KBTBD11: variants seen among roughly 807,000 people sequenced by gnomAD.
KBTBD11 encodes kelch repeat and BTB domain-containing protein 11.
For synonymous variants in KBTBD11, 747 were observed against 499.0 expected, an observed-to-expected ratio of 1.50 and a Z score of -6.63; for missense variants, 1,390 against 1,001.8, an observed-to-expected ratio of 1.39 and a Z score of -5.23.
At chr8:1,980,522 G>T (rs1047650751) in intron 1 of KBTBD11, among the ~76,000 whole-genome samples, 2 of 152,218 alleles carry the variant, frequency 1.3e-5, no homozygotes, top group African/African-American at 4.8e-5. Flanking sequence ...ACCACACCCA[G>T]CCTTTAATCA....
Position 2,002,898 on chromosome 8 carries a change from G to A in KBTBD11, c.1706G>A (p.Gly569Asp). 2 of 1,319,912 alleles carry A rather than the reference G, an allele frequency of 1.5e-6. No homozygotes were observed. Among genetic ancestry groups the A allele is most frequent in the Non-Finnish European group, 1.9e-6 (2 of 1,038,834 alleles). The allele number at this position is 1,319,912 out of a possible 1,614,324, so 81.8% of individuals were successfully genotyped here. A position where few individuals can be genotyped will look rare whatever the true frequency, so the allele number is the denominator to read the frequency against. ...DGAIYCVSRA[G>D]TWRFQPAREG... is the part of the protein sequence containing the mutation. Reference sequence around the variant, plus strand: ...GCCATCTACTGCGTGAGCCGCGCGGGCACCTGGCGCTTCCAGCCTGCCCGG... The same window carrying A: ...GCCATCTACTGCGTGAGCCGCGCGGACACCTGGCGCTTCCAGCCTGCCCGG... Residue 569 changes from glycine (G) to aspartate (D), a missense_variant, in exon 2 of 2, where the codon GGC (glycine) becomes GAC (aspartate). Physicochemically the swap from Gly to Asp is moderately conservative, Grantham distance 94. Coordinates refer to ENST00000320248, the MANE Select transcript of KBTBD11 (RefSeq NM_014867.3). The surrounding 1 kb of genome is among the most constrained non-coding windows in gnomAD (Gnocchi z 4.1).
At chr8:1,993,358 G>GTCCGTCCGTCCGTCC (rs1278140618) in intron 1 of KBTBD11, among the ~76,000 whole-genome samples, 1 of 149,690 alleles carries the variant, frequency 6.7e-6, no homozygotes, top group Non-Finnish European at 1.5e-5. Flanking sequence ...TCCATCCATC[G>GTCCGTCCGTCCGTCC]GTCCATCCGT....
intron 1 of KBTBD11, among the ~76,000 whole-genome samples, chr8:1,984,124 A>C (rs1434823387): frequency 2.6e-5 from 4 of 151,986 alleles, no homozygotes; most frequent in Admixed American, 1.3e-4. Context: ...GTCTGAAAAA[A>C]ATTTAGAAAA....
chr8:1,991,800 T>C (rs1816929243), intron 1 of KBTBD11, among the ~76,000 whole-genome samples: 1 of 151,848 alleles, frequency 6.6e-6, no homozygotes, highest in Non-Finnish European at 1.5e-5. Flanking sequence ...GATCACTGAA[T>C]GGAGCAAATT....
At chr8:1,989,119 C>A (rs1042089578) in intron 1 of KBTBD11, among the ~76,000 whole-genome samples, 1 of 152,088 alleles carries the variant, frequency 6.6e-6, no homozygotes, top group Admixed American at 6.5e-5. Context: ...TCTCCAGAGC[C>A]TTGGTGCTCT....
chr8:2,002,205 G>T lies in KBTBD11; in HGVS notation c.1013G>T (p.Arg338Leu). Residue 338 changes from arginine (R) to leucine (L), a missense_variant, in exon 2 of 2, where the codon CGC (arginine) becomes CTC (leucine). Arg to Leu is a moderately radical substitution (Grantham distance 102). Transcript: ENST00000320248. The surrounding 1 kb of genome is among the most constrained non-coding windows in gnomAD (Gnocchi z 4.1). ...TTCCACGCGGCGGCCGGAGAGTGGCGCGAGCTGACGCGGCTGCCCGAGGGC... is the reference window on the plus strand; with the variant it reads ...TTCCACGCGGCGGCCGGAGAGTGGCTCGAGCTGACGCGGCTGCCCGAGGGC... The part of the protein sequence containing the change: ...YCFHAAAGEW[R>L]ELTRLPEGAP... 1 of 1,259,710 alleles carries T rather than the reference G, an allele frequency of 7.9e-7. No homozygotes were observed. The highest frequency in any genetic ancestry group is 9.9e-7 in the Non-Finnish European group (1 of 1,006,132). 78.0% of individuals were successfully genotyped at this position (1,259,710 alleles called of 1,614,324 possible). A position where few individuals can be genotyped will look rare whatever the true frequency, so the allele number is the denominator to read the frequency against.
chr8:1,974,749 A>T (rs1015384836), intron 1 of KBTBD11: 1 of 975,248 alleles, frequency 1.0e-6, no homozygotes, highest in African/African-American at 1.8e-5. Context: ...TGGAGCATGA[A>T]AAGAGGGTGA....
intron 1 of KBTBD11, among the ~76,000 whole-genome samples, chr8:1,977,924 C>T (rs1280849760): frequency 2.6e-5 from 4 of 152,186 alleles, no homozygotes; most frequent in African/African-American, 4.8e-5. Flanking sequence ...TCTGAATATT[C>T]GTATCACGAC....
In KBTBD11 at chr8:2,003,864, G is replaced by C. The variant is rs1817490306; in HGVS notation, c.*800G>C. The C allele has an allele frequency of 6.0e-6, 1 of 166,922 alleles. No individual in the cohort carries two copies. 10.3% of individuals were successfully genotyped at this position (166,922 alleles called of 1,614,324 possible). A position where few individuals can be genotyped will look rare whatever the true frequency, so the allele number is the denominator to read the frequency against. Reference sequence around the variant, plus strand: ...GTGACCAAACAGCACATCATAAGTAGGAAAAACTTACCAGGGTGCTTGTCT... The same window carrying C: ...GTGACCAAACAGCACATCATAAGTACGAAAAACTTACCAGGGTGCTTGTCT... On this transcript the variant is annotated 3_prime_UTR_variant, in exon 2 of 2. Transcript: ENST00000320248.
At chr8:1,976,441 A>C (rs1816347606) in intron 1 of KBTBD11, 2 of 152,244 alleles carry the variant, frequency 1.3e-5, no homozygotes, top group African/African-American at 4.8e-5. Flanking sequence ...TTCCTGCTAG[A>C]AATGATTTTG....
At chr8:1,996,232 T>C (rs988661903) in intron 1 of KBTBD11, among the ~76,000 whole-genome samples, 4 of 151,820 alleles carry the variant, frequency 2.6e-5, no homozygotes, top group African/African-American at 9.7e-5. Context: ...TCTAACAGGG[T>C]GTGGTGGGAT....
chr8:1,992,094 C>G (rs1021344659), intron 1 of KBTBD11, among the ~76,000 whole-genome samples: 40 of 152,066 alleles, frequency 2.6e-4, no homozygotes, highest in African/African-American at 9.4e-4. Context: ...CCTGTTGCCA[C>G]CCAGGACACG....
Position 2,005,165 on chromosome 8 carries a change from A to G in KBTBD11, c.*2101A>G. 6.0e-6 allele frequency: 1 copy of G among 167,200 alleles called. No homozygotes were observed. The allele number at this position is 167,200 out of a possible 1,614,324, so 10.4% of individuals were successfully genotyped here. ...CCCATGGCTTTCCAGCGTTTCATTTAGTGAAGGAATGCTCACACTAGATGT... is the reference window on the plus strand; with the variant it reads ...CCCATGGCTTTCCAGCGTTTCATTTGGTGAAGGAATGCTCACACTAGATGT... On this transcript the variant is annotated 3_prime_UTR_variant, in exon 2 of 2. Coordinates refer to ENST00000320248, the MANE Select transcript of KBTBD11 (RefSeq NM_014867.3).
chr8:1,980,898 G>C (rs1289936093), intron 1 of KBTBD11, among the ~76,000 whole-genome samples: 1 of 152,258 alleles, frequency 6.6e-6, no homozygotes, highest in Non-Finnish European at 1.5e-5. Flanking sequence ...CATGGGCTGA[G>C]TTTCCCGCAG....
In KBTBD11 at chr8:2,000,764, G is replaced by A. The variant is rs1817311549; in HGVS notation, c.-429G>A. On this transcript the variant is annotated 5_prime_UTR_variant, in exon 2 of 2. Coordinates refer to ENST00000320248, the MANE Select transcript of KBTBD11 (RefSeq NM_014867.3). Reference sequence around the variant, plus strand: ...GAGAGACACCTAGTCAGCCAGCGTTGCAAAGAGGGATAGCTAGTCACTCAG... The same window carrying A: ...GAGAGACACCTAGTCAGCCAGCGTTACAAAGAGGGATAGCTAGTCACTCAG... The A allele has an allele frequency of 1.2e-5, 2 of 163,850 alleles. No homozygotes were observed. Among genetic ancestry groups the A allele is most frequent in the Non-Finnish European group, 2.6e-5 (2 of 75,982 alleles). 10.1% of individuals were successfully genotyped at this position (163,850 alleles called of 1,614,324 possible).
chr8:2,006,237 C>G lies in KBTBD11; in HGVS notation c.*3173C>G, dbSNP rs1402776378. The G allele has an allele frequency of 6.0e-6, 1 of 167,070 alleles. No individual in the cohort carries two copies. The highest frequency in any genetic ancestry group is 1.5e-5 in the Non-Finnish European group (1 of 68,130). 10.3% of individuals were successfully genotyped at this position (167,070 alleles called of 1,614,324 possible). On this transcript the variant is annotated 3_prime_UTR_variant, in exon 2 of 2. Coordinates refer to ENST00000320248, the MANE Select transcript of KBTBD11 (RefSeq NM_014867.3). ...TAGCAGCCGTTGAATCTGTCAGTCT[C>G]TTAGGTAACTTCCTGTAAACGATTT...
chr8:1,994,552 A>G (rs1281744736), intron 1 of KBTBD11, among the ~76,000 whole-genome samples: 1 of 152,250 alleles, frequency 6.6e-6, no homozygotes, highest in Non-Finnish European at 1.5e-5. Context: ...TGCATGGCTT[A>G]TAAAATGCAT....
At chr8:1,979,218 T>G (rs902862485) in intron 1 of KBTBD11, among the ~76,000 whole-genome samples, 7 of 152,194 alleles carry the variant, frequency 4.6e-5, no homozygotes, top group Non-Finnish European at 1.0e-4. Flanking sequence ...CAGTCCCTCC[T>G]CCTCGGGAAC....
At chr8:1,980,755 G>T (rs10102560) in intron 1 of KBTBD11, among the ~76,000 whole-genome samples, 4 of 152,254 alleles carry the variant, frequency 2.6e-5, no homozygotes, top group Non-Finnish European at 5.9e-5. Flanking sequence ...GGGGCAGCAT[G>T]TTTCCTACTG....
Sources: gnomAD v4.1 joint callset for allele counts (sites outside exome capture counted in the v4.1 genomes callset) on GRCh38, gnomAD v4.1.1 for gene constraint, Gnocchi (gnomAD v3.1) non-coding constraint, MANE v1.5 for transcripts, NCBI Gene and HGNC (gene_info 2026-07-23, HGNC 2026-07-21) for gene names.